The following ZFHX3 variants were observed in gnomAD, a reference collection of about 807,000 sequenced individuals.
The protein encoded by ZFHX3 is zinc finger homeobox 3.
Under a neutral mutation model 279.1 loss-of-function variants are expected in ZFHX3, and 42 were observed. That is an observed-to-expected ratio of 0.15 (90% confidence interval 0.12 to 0.19). The LOEUF (loss-of-function observed/expected upper bound fraction) is 0.19, where lower values mean the gene tolerates loss of function less well. Among genes scored for constraint, ZFHX3 ranks in the 10% least tolerant of loss-of-function variants. The probability of loss-of-function intolerance (pLI) is 1.00; values close to 1 mark genes in which losing one functional copy is unlikely to be tolerated. For synonymous variants in ZFHX3, 2,293 were observed against 1,957.8 expected (o/e 1.17, Z -4.52); for missense variants, 4,981 against 4,754.0 (o/e 1.05, Z -1.40).
At chr16:73,377,381 T>C (rs1219597392) in intron 3 of ZFHX3, among the ~76,000 whole-genome samples, 1 of 152,054 alleles carries the variant, frequency 6.6e-6, no homozygotes. Context: ...GTATTAAGAC[T>C]TACCATAAAG....
intron 1 of ZFHX3, among the ~76,000 whole-genome samples, chr16:73,723,933 G>C (rs1435965577): frequency 6.6e-6 from 1 of 152,174 alleles, no homozygotes; most frequent in African/African-American, 2.4e-5. Context: ...ATTATCAATA[G>C]GTGAGGCAGC....
At chr16:73,143,052 C>T (rs2144836416) in intron 6 of ZFHX3, among the ~76,000 whole-genome samples, 1 of 152,098 alleles carries the variant, frequency 6.6e-6, no homozygotes, top group Non-Finnish European at 1.5e-5. Context: ...TAGGGAGGGG[C>T]CTCAAATATG....
intron 1 of ZFHX3, among the ~76,000 whole-genome samples, chr16:72,977,706 A>G (rs1270257992): frequency 6.6e-6 from 1 of 152,130 alleles, no homozygotes; most frequent in Non-Finnish European, 1.5e-5. Context: ...CCACACCAGC[A>G]TGAGCATATC....
intron 3 of ZFHX3, among the ~76,000 whole-genome samples, chr16:73,345,356 A>G (rs1957465584): frequency 6.6e-6 from 1 of 151,986 alleles, no homozygotes; most frequent in Non-Finnish European, 1.5e-5. Flanking sequence ...TAAGCCCAGC[A>G]TGCATCAGTT....
intron 3 of ZFHX3, among the ~76,000 whole-genome samples, chr16:72,890,911 T>C (rs1443078396): frequency 2.0e-5 from 3 of 152,212 alleles, no homozygotes; most frequent in South Asian, 2.1e-4. Context: ...ATTATTACTA[T>C]AGAAATGTGC....
At chr16:73,398,102 C>T (rs1030635409) in intron 3 of ZFHX3, among the ~76,000 whole-genome samples, 1 of 152,216 alleles carries the variant, frequency 6.6e-6, no homozygotes, top group Non-Finnish European at 1.5e-5. Context: ...ACCTAGGCCT[C>T]CCATAGTGCT....
chr16:72,805,042 A>G (rs1261963522), intron 7 of ZFHX3, among the ~76,000 whole-genome samples: 1 of 152,140 alleles, frequency 6.6e-6, no homozygotes, highest in African/African-American at 2.4e-5. Flanking sequence ...CAATGGCACA[A>G]TCTCGGCTCA....
chr16:73,772,384 A>G (rs907457327), intron 1 of ZFHX3, among the ~76,000 whole-genome samples: 1 of 152,026 alleles, frequency 6.6e-6, no homozygotes, highest in African/African-American at 2.4e-5. Context: ...CCCTCATAAA[A>G]CCATCAGATC....
chr16:73,143,361 G>A (rs1181859405), intron 6 of ZFHX3, among the ~76,000 whole-genome samples: 1 of 152,032 alleles, frequency 6.6e-6, no homozygotes, highest in African/African-American at 2.4e-5. Context: ...CGAGAAGTGG[G>A]AAGATTGACA....
At chr16:73,653,779 G>T (rs910544533) in intron 2 of ZFHX3, among the ~76,000 whole-genome samples, 5 of 152,116 alleles carry the variant, frequency 3.3e-5, no homozygotes, top group African/African-American at 9.7e-5. Flanking sequence ...CTTGAAAGGA[G>T]TAAAATTGTA....
intron 5 of ZFHX3, among the ~76,000 whole-genome samples, chr16:73,154,316 T>C (rs976187792): frequency 2.6e-5 from 4 of 152,144 alleles, no homozygotes; most frequent in Non-Finnish European, 4.4e-5. Flanking sequence ...TTTTCAGAAG[T>C]TTTGGAGTTT....
chr16:73,771,991 A>G (rs1343720137), intron 1 of ZFHX3, among the ~76,000 whole-genome samples: 1 of 152,094 alleles, frequency 6.6e-6, no homozygotes, highest in Non-Finnish European at 1.5e-5. Context: ...CCCAACCTTC[A>G]TATCATTTTT....
intron 5 of ZFHX3, among the ~76,000 whole-genome samples, chr16:73,175,593 C>T (rs1967646070): frequency 6.6e-6 from 1 of 152,170 alleles, no homozygotes; most frequent in Non-Finnish European, 1.5e-5. Context: ...AGGGTCTGGC[C>T]ATGATAGGTG....
At chr16:72,813,122 C>T (rs2036510261) in intron 5 of ZFHX3, among the ~76,000 whole-genome samples, 1 of 151,830 alleles carries the variant, frequency 6.6e-6, no homozygotes, top group Non-Finnish European at 1.5e-5. Flanking sequence ...AGTGTTGGCT[C>T]TTTCATTTGT....
intron 2 of ZFHX3, among the ~76,000 whole-genome samples, chr16:73,650,976 C>T (rs777523602): frequency 1.3e-4 from 19 of 151,982 alleles, no homozygotes; most frequent in Non-Finnish European, 2.4e-4. Flanking sequence ...TTATAAGGCA[C>T]AGTTTATAAG....
At chr16:73,423,526 A>ACAATGAAG (rs2017756501) in intron 3 of ZFHX3, among the ~76,000 whole-genome samples, 1 of 152,172 alleles carries the variant, frequency 6.6e-6, no homozygotes, top group Admixed American at 6.5e-5. Flanking sequence ...CAATGGAAGG[A>ACAATGAAG]AAGCCTGCTG....
chr16:73,698,053 C>CA (rs570904649), intron 1 of ZFHX3, among the ~76,000 whole-genome samples: 30 of 149,662 alleles, frequency 2.0e-4, no homozygotes, highest in East Asian at 1.2e-3. Flanking sequence ...AGAGCCATAT[C>CA]AAAAAAAAAC....
At chr16:72,934,668 CCTTCAT>C (rs1406813256) in intron 3 of ZFHX3, among the ~76,000 whole-genome samples, 1 of 148,972 alleles carries the variant, frequency 6.7e-6, no homozygotes, top group Non-Finnish European at 1.5e-5. Context: ...CCTCCCTTCA[CCTTCAT>C]AACTCTTGTG....
intron 2 of ZFHX3, among the ~76,000 whole-genome samples, chr16:73,576,489 A>T (rs2051800823): frequency 6.6e-6 from 1 of 152,182 alleles, no homozygotes; most frequent in Non-Finnish European, 1.5e-5. Flanking sequence ...TGGCACAAGT[A>T]TGTGGACAGA....
Sources: gnomAD v4.1 joint callset for allele counts (sites outside exome capture counted in the v4.1 genomes callset) on GRCh38, gnomAD v4.1.1 for gene constraint, MANE v1.5 for transcripts, NCBI Gene and HGNC (gene_info 2026-07-23, HGNC 2026-07-21) for gene names.